Variants in SEMA6D observed in about 807,000 individuals in gnomAD.
SEMA6D encodes semaphorin 6D, also known as semaphorin-6D.
In SEMA6D, 35 loss-of-function variants were observed where a neutral mutation model predicts 106.6. The observed-to-expected ratio is 0.33, with a 90% confidence interval of 0.25 to 0.44. The LOEUF (loss-of-function observed/expected upper bound fraction) is 0.44. SEMA6D is among the 20% of genes least tolerant of loss of function. The pLI is 1.00. For missense variants in SEMA6D, 1,185 were observed against 1,345.9 expected, an observed-to-expected ratio of 0.88 and a Z score of 1.87; for synonymous variants, 499 against 487.7, an observed-to-expected ratio of 1.02 and a Z score of -0.31.
chr15:47,462,148 C>A (rs1252842598), intron 2 of SEMA6D, among the ~76,000 whole-genome samples: 1 of 152,022 alleles, frequency 6.6e-6, no homozygotes, highest in East Asian at 1.9e-4. Flanking sequence ...CATCCTGTAG[C>A]AATTATTGGT....
At chr15:47,748,920 T>A (rs1159993843) in intron 1 of SEMA6D, among the ~76,000 whole-genome samples, 2 of 151,772 alleles carry the variant, frequency 1.3e-5, no homozygotes, top group South Asian at 4.2e-4. Flanking sequence ...TCTAGACAAA[T>A]GAAAAGATAG....
chr15:47,357,755 C>G (rs949558210), intron 1 of SEMA6D, among the ~76,000 whole-genome samples: 3 of 152,208 alleles, frequency 2.0e-5, no homozygotes, highest in Non-Finnish European at 2.9e-5. Flanking sequence ...AACACCCTCA[C>G]AGACACACAA....
At chr15:47,693,692 C>T (rs567059390) in intron 4 of SEMA6D, among the ~76,000 whole-genome samples, 3 of 152,158 alleles carry the variant, frequency 2.0e-5, no homozygotes, top group South Asian at 2.1e-4. Context: ...CCCAACACTT[C>T]GGGAGGGCAA....
At chr15:47,520,598 G>A (rs1566853200) in intron 3 of SEMA6D, among the ~76,000 whole-genome samples, 1 of 152,224 alleles carries the variant, frequency 6.6e-6, no homozygotes, top group Non-Finnish European at 1.5e-5. Context: ...ATATTGCACT[G>A]TGCATTGGTC....
intron 1 of SEMA6D, among the ~76,000 whole-genome samples, chr15:47,358,454 G>T (rs1595817075): frequency 6.6e-6 from 1 of 152,254 alleles, no homozygotes; most frequent in East Asian, 1.9e-4. Context: ...GACTGTAATT[G>T]CTTCCTAATG....
intron 3 of SEMA6D, among the ~76,000 whole-genome samples, chr15:47,572,878 C>G (rs1461568006): frequency 6.6e-6 from 1 of 152,032 alleles, no homozygotes; most frequent in East Asian, 1.9e-4. Context: ...AAAGGTGAAA[C>G]AACATCGCAT....
chr15:47,761,312 A>T lies in SEMA6D; in HGVS notation c.346-18A>T. ...ATGTTCAAATGTCTAATATTAATGT[A>T]ACTACTACTTTCTTTAGGATGAATG... On this transcript the variant is annotated intron_variant, in intron 5 of 18. Coordinates refer to ENST00000536845, the MANE Select transcript of SEMA6D (RefSeq NM_001358351.3). 6.2e-7 allele frequency: 1 copy of T among 1,610,594 alleles called. No homozygotes were observed. Among genetic ancestry groups the T allele is most frequent in the Non-Finnish European group, 8.5e-7 (1 of 1,177,918 alleles).
At chr15:47,243,930 C>T (rs1161078443) in intron 1 of SEMA6D, among the ~76,000 whole-genome samples, 1 of 152,096 alleles carries the variant, frequency 6.6e-6, no homozygotes, top group East Asian at 1.9e-4. Context: ...CAAAATTTGA[C>T]AACAGTCCTT....
chr15:47,491,695 A>G lies in SEMA6D; in HGVS notation c.-87+21150A>G, dbSNP rs1262238291. On this transcript the variant is annotated intron_variant, in intron 3 of 19. Coordinates refer to the SEMA6D transcript ENST00000558014. ...GAGCTATGCATATAACAATAATATC[A>G]TACAAATGAAGACTAAGACTGATCT... Among the ~76,000 whole-genome samples, 7 of 152,250 alleles carry G rather than the reference A, an allele frequency of 4.6e-5. No homozygotes were observed. The East Asian group carries it at 1.4e-3, about 29-fold the overall frequency.
chr15:47,251,984 C>T lies in SEMA6D; in HGVS notation c.-239+67566C>T, dbSNP rs796908856. ...AGGCTGGAGTGCAGTGGCGCGATCT[C>T]GGCTCACTGCAAGCTCCGCCTCCCG... On this transcript the variant is annotated intron_variant, in intron 1 of 19. Coordinates refer to the SEMA6D transcript ENST00000558014. 5.0e-4 allele frequency among the ~76,000 whole-genome samples: 64 copies of T among 127,304 alleles called. 1 individual carries two copies. The highest frequency in any genetic ancestry group is 1.8e-3 in the African/African-American group (56 of 31,790). 83.5% of individuals were successfully genotyped at this position (127,304 alleles called of 152,430 possible).
intron 1 of SEMA6D, among the ~76,000 whole-genome samples, chr15:47,293,087 G>A (rs2142867453): frequency 6.6e-6 from 1 of 152,172 alleles, no homozygotes; most frequent in African/African-American, 2.4e-5. Context: ...TCTAATTTGG[G>A]ACTCTGGTGG....
chr15:47,443,749 C>T (rs2041947738), intron 2 of SEMA6D, among the ~76,000 whole-genome samples: 1 of 152,068 alleles, frequency 6.6e-6, no homozygotes, highest in South Asian at 2.1e-4. Flanking sequence ...AAATTTTCAT[C>T]AATATACAGT....
At chr15:47,284,228 A>G (rs143637925) in intron 1 of SEMA6D, among the ~76,000 whole-genome samples, 1 of 152,202 alleles carries the variant, frequency 6.6e-6, no homozygotes, top group East Asian at 1.9e-4. Flanking sequence ...CTGCCAGAAG[A>G]TGTGCTTGAA....
chr15:47,324,107 G>T (rs538232470), intron 1 of SEMA6D, among the ~76,000 whole-genome samples: 31 of 151,436 alleles, frequency 2.0e-4, no homozygotes, highest in African/African-American at 7.2e-4. Flanking sequence ...CTGTAGTTTG[G>T]TTTTCTTCTT....
At chr15:47,261,932 G>A (rs965305328) in intron 1 of SEMA6D, among the ~76,000 whole-genome samples, 1 of 152,020 alleles carries the variant, frequency 6.6e-6, no homozygotes, top group African/African-American at 2.4e-5. Flanking sequence ...ATCAGGTGGT[G>A]TACATTTGAG....
At chr15:47,482,803 G>A (rs1319760813) in intron 3 of SEMA6D, among the ~76,000 whole-genome samples, 1 of 152,048 alleles carries the variant, frequency 6.6e-6, no homozygotes, top group Non-Finnish European at 1.5e-5. Context: ...TAATCCATTA[G>A]ATCTATGTTA....
rs1336921042 is a variant in SEMA6D, at chr15:47,763,886, G to A, written c.784G>A (p.Asp262Asn). ...YSRVARICKN[D>N]MGGSQRVLEK... ...CCGCGTGGCCCGCATATGTAAAAAC[G>A]ACATGGGTGGTTCCCAGCGGGTCCT... is the stretch of plus-strand genomic sequence containing the variant. The change falls in exon 10 of 19, where the codon GAC becomes AAC. Residue 262 changes from aspartate (D) to asparagine (N), a missense_variant. Transcript: ENST00000536845. 2 of 1,613,630 alleles carry A rather than the reference G, an allele frequency of 1.2e-6. No individual in the cohort carries two copies. Among genetic ancestry groups the A allele is most frequent in the Non-Finnish European group, 1.7e-6 (2 of 1,179,872 alleles).
At chr15:47,706,046 A>G (rs945343121) in intron 4 of SEMA6D, among the ~76,000 whole-genome samples, 16 of 152,332 alleles carry the variant, frequency 1.1e-4, no homozygotes, top group African/African-American at 3.6e-4. Context: ...CTTAAGGAAT[A>G]TGAGAGGAAG....
At chr15:47,199,928 A>G (rs1353024199) in intron 1 of SEMA6D, among the ~76,000 whole-genome samples, 1 of 152,138 alleles carries the variant, frequency 6.6e-6, no homozygotes, top group Non-Finnish European at 1.5e-5. Flanking sequence ...TATGAAAGTT[A>G]CTATTATTAA....
Sources: allele counts gnomAD v4.1 joint callset (sites outside exome capture counted in the v4.1 genomes callset), GRCh38; gene constraint gnomAD v4.1.1; transcripts MANE v1.5; gene names NCBI Gene and HGNC (gene_info 2026-07-23, HGNC 2026-07-21).